The following RMND5A variants were observed in gnomAD, a reference collection of about 807,000 sequenced individuals.
RMND5A encodes the protein required for meiotic nuclear division 5 homolog A, also known as E3 ubiquitin-protein transferase RMND5A.
In RMND5A, 17 loss-of-function variants were observed where a neutral mutation model predicts 49.7. The ratio of observed to expected loss-of-function variants is 0.34; its 90% CI spans 0.23 to 0.51. The LOEUF is 0.51. Ranked by LOEUF, RMND5A falls within the 20% of genes least tolerant of loss-of-function variation. The pLI is 0.96. For synonymous variants in RMND5A, 156 were observed against 167.7 expected (o/e 0.93, Z 0.54); for missense variants, 255 against 471.3 (o/e 0.54, Z 4.25).
At position 86,765,339 on chromosome 2, in the gene RMND5A, C is replaced by T. The variant is rs569443495; in HGVS notation, c.688+146C>T. The T allele has an allele frequency of 3.6e-5, 26 of 728,154 alleles. 1 individual carries two copies. The South Asian group carries it at 6.0e-4, about 17-fold the overall frequency. The allele number at this position is 728,154 out of a possible 1,614,324, so 45.1% of individuals were successfully genotyped here. Reference sequence around the variant, plus strand: ...CTTACAGGAAAAGTTCTGACTGGCTCTAGACAAAAACAAAAATATTAAAGC... The same window carrying T: ...CTTACAGGAAAAGTTCTGACTGGCTTTAGACAAAAACAAAAATATTAAAGC... On this transcript the variant is annotated intron_variant, in intron 5 of 8. Coordinates refer to ENST00000283632, the MANE Select transcript of RMND5A (RefSeq NM_022780.4).
At chr2:86,752,080 T>C (rs1681645343) in intron 3 of RMND5A, 50 bp downstream of exon 3, 2 of 1,590,044 alleles carry the variant, frequency 1.3e-6, no homozygotes, top group Non-Finnish European at 1.7e-6. Context: ...AGGGAACTCC[T>C]TGGAGTTTAT....
intron 7 of RMND5A, among the ~76,000 whole-genome samples, chr2:86,770,737 G>A (rs1253352891): frequency 6.6e-6 from 1 of 152,198 alleles, no homozygotes; most frequent in African/African-American, 2.4e-5. Context: ...GGCTGCTGAA[G>A]GCTAGAGATA....
At chr2:86,751,854 A>C in intron 2 of RMND5A, 42 bp from the exon 3 acceptor site, 1 of 1,587,698 alleles carries the variant, frequency 6.3e-7, no homozygotes, top group Non-Finnish European at 8.6e-7. Context: ...AGTGGGGTGA[A>C]AATAATCTAT....
At chr2:86,765,245 A>G (rs1344310466) in intron 5 of RMND5A, 52 bp downstream of exon 5, 1 of 1,467,784 alleles carries the variant, frequency 6.8e-7, no homozygotes, top group African/African-American at 1.4e-5. Flanking sequence ...TATAGCCACC[A>G]CTGTAACTTA....
At chr2:86,732,113 T>A (rs1215128596) in intron 1 of RMND5A, among the ~76,000 whole-genome samples, 1 of 102,584 alleles carries the variant, frequency 9.7e-6, no homozygotes, top group Non-Finnish European at 1.8e-5. Flanking sequence ...GGGTCTCATC[T>A]CTCATGTGTT....
intron 4 of RMND5A, among the ~76,000 whole-genome samples, chr2:86,753,916 G>C (rs1005144852): frequency 2.0e-5 from 3 of 152,140 alleles, no homozygotes; most frequent in African/African-American, 7.2e-5. Flanking sequence ...GTTTTGCTGG[G>C]TTTTATGCTA....
At chr2:86,765,835 C>T (rs1159379064) in intron 5 of RMND5A, 24 bp from the exon 6 acceptor site, 2 of 1,608,192 alleles carry the variant, frequency 1.2e-6, no homozygotes, top group African/African-American at 1.3e-5. Flanking sequence ...CAAACTAATG[C>T]TTTCTTGCTG....
intron 4 of RMND5A, among the ~76,000 whole-genome samples, chr2:86,762,805 C>T (rs1672525996): frequency 6.6e-6 from 1 of 150,522 alleles, no homozygotes; most frequent in Non-Finnish European, 1.5e-5. Context: ...CTTTGGGAGG[C>T]CAAGGCGGGA....
chr2:86,754,123 A>G (rs1287587108), intron 4 of RMND5A, among the ~76,000 whole-genome samples: 1 of 152,256 alleles, frequency 6.6e-6, no homozygotes, highest in Non-Finnish European at 1.5e-5. Context: ...AAGCTTTTCC[A>G]TAAAGGACCA....
intron 1 of RMND5A, among the ~76,000 whole-genome samples, chr2:86,721,789 A>C (rs1365040267): frequency 6.7e-6 from 1 of 149,774 alleles, no homozygotes; most frequent in Non-Finnish European, 1.5e-5. Flanking sequence ...AATTTATGTG[A>C]AGGACGGTTT....
At chr2:86,763,649 A>C (rs1269125000) in intron 4 of RMND5A, among the ~76,000 whole-genome samples, 2 of 151,972 alleles carry the variant, frequency 1.3e-5, no homozygotes, top group Non-Finnish European at 2.9e-5. Flanking sequence ...GGCAGCATAC[A>C]CCTGTGGTCC....
chr2:86,756,720 G>A (rs1007157216), intron 4 of RMND5A, among the ~76,000 whole-genome samples: 4 of 152,186 alleles, frequency 2.6e-5, no homozygotes, highest in Non-Finnish European at 5.9e-5. Flanking sequence ...GGGAATTCTA[G>A]TTAAGGTACA....
rs757224073 is a variant in RMND5A at position 86,771,760 on chromosome 2, G to C, written c.1112+48G>C. On this transcript the variant is annotated intron_variant, in intron 8 of 8. Coordinates refer to ENST00000283632, the MANE Select transcript of RMND5A (RefSeq NM_022780.4). The stretch of plus-strand genomic sequence containing the variant: ...ATGTTAGCAAATAAATTTTGTTTTG[G>C]AACTTGGTAGGAGGATAAGAAGTGA... 7 of 1,493,390 alleles carry C rather than the reference G, an allele frequency of 4.7e-6. No homozygotes were observed. The South Asian group carries it at 8.1e-5, about 17-fold the overall frequency. 92.5% of individuals were successfully genotyped at this position (1,493,390 alleles called of 1,614,324 possible). A position where few individuals can be genotyped will look rare whatever the true frequency, so the allele number is the denominator to read the frequency against.
chr2:86,762,435 A>G (rs1672509944), intron 4 of RMND5A, among the ~76,000 whole-genome samples: 3 of 152,146 alleles, frequency 2.0e-5, no homozygotes, highest in South Asian at 2.1e-4. Context: ...ACCTGAGGCC[A>G]GGAGTTCAAG....
intron 2 of RMND5A, among the ~76,000 whole-genome samples, chr2:86,741,743 A>G (rs1430357490): frequency 6.6e-6 from 1 of 151,348 alleles, no homozygotes; most frequent in Non-Finnish European, 1.5e-5. Flanking sequence ...AAGTAGTTCA[A>G]GGTTACTGTG....
At chr2:86,755,449 A>G (rs1681717423) in intron 4 of RMND5A, among the ~76,000 whole-genome samples, 1 of 152,254 alleles carries the variant, frequency 6.6e-6, no homozygotes, top group South Asian at 2.1e-4. Flanking sequence ...TGAACATGTA[A>G]TGGGTTTCCC....
rs542057647 is a variant in RMND5A at position 86,745,032 on chromosome 2, A to T, written c.285+3963A>T. 2.9e-3 allele frequency among the ~76,000 whole-genome samples: 445 copies of T among 151,780 alleles called. 2 individuals carry two copies. The highest frequency in any genetic ancestry group is 5.2e-3 in the Non-Finnish European group (353 of 67,966). Reference sequence around the variant, plus strand: ...AATTTTTTTTTTTTTAGTAAAAATAATGTATTTGGGCTGTTCTTGATTTCC... The same window carrying T: ...AATTTTTTTTTTTTTAGTAAAAATATTGTATTTGGGCTGTTCTTGATTTCC... On this transcript the variant is annotated intron_variant, in intron 2 of 8. Transcript: ENST00000283632.
rs1243905133 is a variant in RMND5A, at chr2:86,773,917, G to A, written c.*506G>A. 6.6e-6 allele frequency: 1 copy of A among 152,628 alleles called. No homozygotes were observed. Among genetic ancestry groups the A allele is most frequent in the Non-Finnish European group, 1.5e-5 (1 of 68,084 alleles). 9.5% of individuals were successfully genotyped at this position (152,628 alleles called of 1,614,324 possible). ...CTAATTTGCATTTTTATTTGCTTAA[G>A]AAAGAAAGCTGTGATAGATTCCAGA... On this transcript the variant is annotated 3_prime_UTR_variant, in exon 9 of 9. Coordinates refer to ENST00000283632, the MANE Select transcript of RMND5A (RefSeq NM_022780.4).
intron 2 of RMND5A, among the ~76,000 whole-genome samples, chr2:86,743,361 G>A (rs567089896): frequency 6.7e-6 from 1 of 150,348 alleles, no homozygotes; most frequent in Admixed American, 6.6e-5. Context: ...GCTCTTTTGA[G>A]GACTTTTTTT....
Sources: gnomAD v4.1 joint callset for allele counts (sites outside exome capture counted in the v4.1 genomes callset) on GRCh38, gnomAD v4.1.1 for gene constraint, MANE v1.5 for transcripts, NCBI Gene and HGNC (gene_info 2026-07-23, HGNC 2026-07-21) for gene names.